ZNF354C: variants seen among roughly 807,000 people sequenced by gnomAD.
ZNF354C encodes KRAB-zinc finger protein synten.
In ZNF354C, 7 loss-of-function variants were observed where a neutral mutation model predicts 12.4. The ratio of observed to expected loss-of-function variants is 0.56; its 90% CI spans 0.32 to 1.06. ZNF354C has a LOEUF of 1.06. ZNF354C is among the 50% of genes least tolerant of loss of function. ZNF354C has a pLI of 0.04. For missense variants in ZNF354C, 609 were observed against 658.0 expected (o/e 0.93, Z 0.81); for synonymous variants, 202 against 224.5 (o/e 0.90, Z 0.90).
rs1190682665 is a variant in ZNF354C at position 179,079,827 on chromosome 5, G to A, written c.1395G>A (p.Glu465=). 6.2e-7 allele frequency: 1 copy of A among 1,613,996 alleles called. No homozygotes were observed. Among genetic ancestry groups the A allele is most frequent in the Non-Finnish European group, 8.5e-7 (1 of 1,180,022 alleles). The part of the protein sequence containing the change: ...LYRHQRIHTG[E]KPYQCNQCGK... Reference sequence around the variant, plus strand: ...GGCATCAGAGAATTCATACTGGAGAGAAACCGTATCAGTGTAATCAGTGTG... The same window carrying A: ...GGCATCAGAGAATTCATACTGGAGAAAAACCGTATCAGTGTAATCAGTGTG... The change falls in exon 5 of 5, where the codon GAG becomes GAA. Residue 465 remains glutamate, a synonymous_variant. Coordinates refer to ENST00000315475, the MANE Select transcript of ZNF354C (RefSeq NM_014594.3). This position sits in a 1 kb window ranked among gnomAD's most constrained non-coding sequence, Gnocchi z 4.2.
Position 179,077,088 on chromosome 5 carries a change from C to T in ZNF354C, c.172C>T (p.Pro58Ser). The T allele has an allele frequency of 6.2e-7, 1 of 1,614,146 alleles. No individual in the cohort carries two copies. Among genetic ancestry groups the T allele is most frequent in the East Asian group, 2.2e-5 (1 of 44,888 alleles). The change falls in exon 4 of 5, where the codon CCA becomes TCA. Residue 58 changes from proline (P) to serine (S), a missense_variant. Transcript: ENST00000315475. ...LVSLGIPFSM[P>S]KLIHQLQQGE... ...ATGAGCAGGGATTCCATTTTCAATG[C>T]CAAAGTTGATTCATCAGTTGCAGCA...
intron 3 of ZNF354C, 71 bp downstream of exon 3, chr5:179,076,642 G>A (rs1762127912): frequency 6.3e-7 from 1 of 1,578,114 alleles, no homozygotes; most frequent in Non-Finnish European, 8.6e-7. Context: ...GGGGTTCCGA[G>A]CCTGTGGTCT....
chr5:179,061,629 A>G (rs1761893567), intron 1 of ZNF354C, among the ~76,000 whole-genome samples: 1 of 152,072 alleles, frequency 6.6e-6, no homozygotes, highest in African/African-American at 2.4e-5. Context: ...CGTGGCTACC[A>G]TAGGGAGGAA....
chr5:179,078,834 A>G lies in ZNF354C; in HGVS notation c.402A>G (p.Ile134Met). ...AAGCTGTGGAATTTGAGAGCGAGAT[A>G]GAAGAAGAGCAAGAGAAGAAACCTC... ...FEEAVEFESEIEEEQEKKPLR... is the reference protein window; with the variant it reads ...FEEAVEFESEMEEEQEKKPLR... Residue 134 changes from isoleucine (I) to methionine (M), a missense_variant, in exon 5 of 5, where the codon ATA (isoleucine) becomes ATG (methionine). Physicochemically the swap from Ile to Met is conservative, Grantham distance 10. Coordinates refer to ENST00000315475, the MANE Select transcript of ZNF354C (RefSeq NM_014594.3). 6.2e-7 allele frequency: 1 copy of G among 1,614,134 alleles called. No homozygotes were observed. Among genetic ancestry groups the G allele is most frequent in the Non-Finnish European group, 8.5e-7 (1 of 1,179,980 alleles).
chr5:179,074,669 T>C (rs1305876742), intron 2 of ZNF354C, among the ~76,000 whole-genome samples: 1 of 152,168 alleles, frequency 6.6e-6, no homozygotes, highest in African/African-American at 2.4e-5. Flanking sequence ...TTTCTAGTGC[T>C]TCCCTGAACT....
intron 2 of ZNF354C, among the ~76,000 whole-genome samples, chr5:179,062,646 A>C (rs1185033722): frequency 6.6e-6 from 1 of 152,144 alleles, no homozygotes; most frequent in Non-Finnish European, 1.5e-5. Context: ...CAGGACTGAT[A>C]TTGGTGCTTA....
Position 179,078,877 on chromosome 5 carries a change from T to C in ZNF354C, c.445T>C (p.Ser149Pro). Residue 149 changes from serine to proline, a missense_variant, in exon 5 of 5, where the codon TCG (serine) becomes CCG (proline). Ser to Pro is a moderately conservative substitution (Grantham distance 74). Coordinates refer to ENST00000315475, the MANE Select transcript of ZNF354C (RefSeq NM_014594.3). ...GAAACCTCTTAGACAAATGATAGAT[T>C]CGCATGAGAAAACCATCAGTGAAGA... ...EKKPLRQMID[S>P]HEKTISEDGN... The C allele has an allele frequency of 1.9e-6, 3 of 1,614,052 alleles. No individual in the cohort carries two copies. The highest frequency in any genetic ancestry group is 2.5e-6 in the Non-Finnish European group (3 of 1,179,994).
intron 2 of ZNF354C, among the ~76,000 whole-genome samples, chr5:179,068,056 G>C: frequency 6.6e-6 from 1 of 152,066 alleles, no homozygotes; most frequent in East Asian, 1.9e-4. Flanking sequence ...AGCTACTCGG[G>C]AGGCTCAGGT....
rs188326425 is a variant in ZNF354C at position 179,079,085 on chromosome 5, G to A, written c.653G>A (p.Cys218Tyr). 63 of 1,613,912 alleles carry A rather than the reference G, an allele frequency of 3.9e-5. No individual in the cohort carries two copies. Among genetic ancestry groups the A allele is most frequent in the Non-Finnish European group, 5.0e-5 (59 of 1,180,006 alleles). The change falls in exon 5 of 5, where the codon TGT becomes TAT. Residue 218 changes from cysteine to tyrosine, a missense_variant. By Grantham distance (194) the Cys-to-Tyr change is radical. Coordinates refer to ENST00000315475, the MANE Select transcript of ZNF354C (RefSeq NM_014594.3). This position sits in a 1 kb window ranked among gnomAD's most constrained non-coding sequence, Gnocchi z 4.2. ...TACCCAGGAGGAAAACCTCACATCTGTAATGAATGTGGGAAGAGCTTCAAG... is the reference window on the plus strand; with the variant it reads ...TACCCAGGAGGAAAACCTCACATCTATAATGAATGTGGGAAGAGCTTCAAG... ...QIYPGGKPHI[C>Y]NECGKSFKQN...
In ZNF354C at chr5:179,079,164, C is replaced by T; in HGVS notation, c.732C>T (p.Tyr244=). ...HQRIHTGEKP[Y]KCNECEKTFS... ...GAATTCATACAGGTGAGAAACCCTA[C>T]AAATGTAATGAGTGTGAAAAAACCT... The change falls in exon 5 of 5, where the codon TAC becomes TAT. Residue 244 remains tyrosine (Y), a synonymous_variant. Transcript: ENST00000315475. The surrounding 1 kb of genome is among the most constrained non-coding windows in gnomAD (Gnocchi z 4.2). 7 of 1,613,640 alleles carry T rather than the reference C, an allele frequency of 4.3e-6. No homozygotes were observed. The highest frequency in any genetic ancestry group is 5.9e-6 in the Non-Finnish European group (7 of 1,179,972).
intron 4 of ZNF354C, among the ~76,000 whole-genome samples, chr5:179,078,313 A>G (rs933544622): frequency 6.6e-5 from 10 of 152,208 alleles, no homozygotes. Flanking sequence ...TGCCTGGTAT[A>G]TGCATAGTGG....
At chr5:179,072,220 G>C (rs775586199) in intron 2 of ZNF354C, among the ~76,000 whole-genome samples, 7 of 151,570 alleles carry the variant, frequency 4.6e-5, no homozygotes, top group Non-Finnish European at 7.4e-5. Flanking sequence ...TGCAAGCAGA[G>C]AAATAGAGAT....
intron 2 of ZNF354C, among the ~76,000 whole-genome samples, chr5:179,071,976 G>A (rs568409695): frequency 2.6e-5 from 4 of 152,098 alleles, no homozygotes; most frequent in African/African-American, 9.6e-5. Context: ...CTCTTCAAAG[G>A]AACATAACAA....
In ZNF354C at chr5:179,079,998, A is replaced by T; in HGVS notation, c.1566A>T (p.Lys522Asn). 3 of 1,613,940 alleles carry T rather than the reference A, an allele frequency of 1.9e-6. No individual in the cohort carries two copies. The African/African-American group carries it at 4.0e-5, about 22-fold the overall frequency. ...ACAAAAAAGTTCACACGAAAGAGAAACTCTATAAGTGGAAGGAATATGGGA... is the reference window on the plus strand; with the variant it reads ...ACAAAAAAGTTCACACGAAAGAGAATCTCTATAAGTGGAAGGAATATGGGA... ...CRHKKVHTKE[K>N]LYKWKEYGKP... The change falls in exon 5 of 5, where the codon AAA becomes AAT. Residue 522 changes from lysine to asparagine, a missense_variant. Coordinates refer to ENST00000315475, the MANE Select transcript of ZNF354C (RefSeq NM_014594.3). The surrounding 1 kb of genome is among the most constrained non-coding windows in gnomAD (Gnocchi z 4.2).
At position 179,083,366 on chromosome 5, in the gene ZNF354C, A is replaced by T; in HGVS notation, c.*3269A>T. 1 of 156,612 alleles carries T rather than the reference A, an allele frequency of 6.4e-6. No homozygotes were observed. Among genetic ancestry groups the T allele is most frequent in the Non-Finnish European group, 1.4e-5 (1 of 71,164 alleles). The allele number at this position is 156,612 out of a possible 1,614,324, so 9.7% of individuals were successfully genotyped here. A position where few individuals can be genotyped will look rare whatever the true frequency, so the allele number is the denominator to read the frequency against. On this transcript the variant is annotated 3_prime_UTR_variant, in exon 5 of 5. Coordinates refer to ENST00000315475, the MANE Select transcript of ZNF354C (RefSeq NM_014594.3). ...AGATGCATGCAGAAGTTTTTTTTTT[A>T]AGTTTTGAAAAGTCATGATGTTGAC... is the stretch of plus-strand genomic sequence containing the variant.
rs764277147 is a variant in ZNF354C at position 179,082,144 on chromosome 5, T to G, written c.*2047T>G. On this transcript the variant is annotated 3_prime_UTR_variant, in exon 5 of 5. Transcript: ENST00000315475. ...GTAAAACCCATTAAGTGGAAAAAAT[T>G]TTAAGGAACTTTGTTTACAAGGTGT... 1.3e-5 allele frequency: 2 copies of G among 152,308 alleles called. No homozygotes were observed. The highest frequency in any genetic ancestry group is 2.9e-5 in the Non-Finnish European group (2 of 68,154). 9.4% of individuals were successfully genotyped at this position (152,308 alleles called of 1,614,324 possible).
At position 179,082,581 on chromosome 5, in the gene ZNF354C, C is replaced by T. The variant is rs554355213; in HGVS notation, c.*2484C>T. 1.9e-5 allele frequency: 18 copies of T among 925,306 alleles called. No individual in the cohort carries two copies. Among genetic ancestry groups the T allele is most frequent in the South Asian group, 1.4e-4 (11 of 76,640 alleles). 57.3% of individuals were successfully genotyped at this position (925,306 alleles called of 1,614,324 possible). Reference sequence around the variant, plus strand: ...CAAAAGAACTAAGTATTCCAGATTTCGGGAGGGATGAAGAGGGAGATATTC... The same window carrying T: ...CAAAAGAACTAAGTATTCCAGATTTTGGGAGGGATGAAGAGGGAGATATTC... On this transcript the variant is annotated 3_prime_UTR_variant, in exon 5 of 5. Coordinates refer to ENST00000315475, the MANE Select transcript of ZNF354C (RefSeq NM_014594.3).
At chr5:179,063,660 T>C (rs1478177103) in intron 2 of ZNF354C, among the ~76,000 whole-genome samples, 1 of 152,248 alleles carries the variant, frequency 6.6e-6, no homozygotes, top group Non-Finnish European at 1.5e-5. Context: ...ATATAGTAAG[T>C]CATTTAATCC....
chr5:179,063,235 T>C (rs1330565668), intron 2 of ZNF354C, among the ~76,000 whole-genome samples: 1 of 152,184 alleles, frequency 6.6e-6, no homozygotes, highest in Non-Finnish European at 1.5e-5. Flanking sequence ...GTTAATAATA[T>C]ACATACATGA....
Sources: allele counts gnomAD v4.1 joint callset (sites outside exome capture counted in the v4.1 genomes callset), GRCh38; gene constraint gnomAD v4.1.1; non-coding constraint Gnocchi (gnomAD v3.1); transcripts MANE v1.5; gene names NCBI Gene and HGNC (gene_info 2026-07-23, HGNC 2026-07-21).